NARS1: variants seen among roughly 807,000 people sequenced by gnomAD.
The protein encoded by NARS1 is asparagine--tRNA ligase, cytoplasmic.
NARS1 carries 65 observed loss-of-function variants against 79.2 expected under a neutral mutation model. That is an observed-to-expected ratio of 0.82 (90% CI 0.67 to 1.01). The LOEUF is 1.01. Among genes scored for constraint, NARS1 ranks in the 50% least tolerant of loss-of-function variants. NARS1 has a pLI of 0.00. For missense variants in NARS1, 649 were observed against 673.8 expected (o/e 0.96, Z 0.41); for synonymous variants, 229 against 238.8 (o/e 0.96, Z 0.38).
At chr18:57,606,962 A>C in intron 9 of NARS1, 172 bp downstream of exon 9, 1 of 918,942 alleles carries the variant, frequency 1.1e-6, no homozygotes, top group Non-Finnish European at 1.6e-6. Context: ...AAAGTGAAAA[A>C]AGAGAACTTA....
intron 4 of NARS1, 145 bp downstream of exon 4, chr18:57,615,496 C>T (rs556912225): frequency 3.6e-5 from 21 of 589,658 alleles, no homozygotes; most frequent in South Asian, 1.8e-4. Flanking sequence ...AGCAAGACTC[C>T]GTCTCAAAAA....
At chr18:57,605,716 A>G in intron 11 of NARS1, 141 bp downstream of exon 11, 1 of 617,092 alleles carries the variant, frequency 1.6e-6, no homozygotes, top group Non-Finnish European at 2.9e-6. Context: ...GCGAATCTGC[A>G]GGCAACCCAA....
chr18:57,602,272 A>C (rs2051513692), intron 13 of NARS1, 83 bp downstream of exon 13: 2 of 1,317,048 alleles, frequency 1.5e-6, no homozygotes, highest in Non-Finnish European at 2.1e-6. Flanking sequence ...TACTACCCTG[A>C]ATTCTCCCCT....
chr18:57,608,159 C>T (rs1480656335), intron 7 of NARS1, among the ~76,000 whole-genome samples: 2 of 152,058 alleles, frequency 1.3e-5, no homozygotes, highest in East Asian at 1.9e-4. Flanking sequence ...AGCCACCATG[C>T]GCAGCCTGTG....
chr18:57,606,568 T>G, intron 10 of NARS1, 48 bp downstream of exon 10: 1 of 1,576,274 alleles, frequency 6.3e-7, no homozygotes, highest in Non-Finnish European at 8.7e-7. Context: ...CTTCATTGTC[T>G]TCCAAAAAAG....
intron 2 of NARS1, 61 bp downstream of exon 2, chr18:57,620,508 G>T: frequency 8.3e-7 from 1 of 1,212,058 alleles, no homozygotes; most frequent in South Asian, 1.3e-5. Context: ...CAAGTCACAA[G>T]AAAATTGACA....
At chr18:57,609,589 T>C in intron 6 of NARS1, 146 bp from the exon 7 acceptor site, 1 of 615,860 alleles carries the variant, frequency 1.6e-6, no homozygotes, top group Non-Finnish European at 2.8e-6. Flanking sequence ...ATTCTTAATA[T>C]TAAAATAGAT....
chr18:57,613,322 G>A (rs1015486220), intron 5 of NARS1, among the ~76,000 whole-genome samples: 24 of 152,146 alleles, frequency 1.6e-4, no homozygotes, highest in Admixed American at 1.6e-3. Flanking sequence ...GTGAAACACC[G>A]TCTCTACTAA....
At chr18:57,609,945 G>A (rs1317514747) in intron 6 of NARS1, among the ~76,000 whole-genome samples, 1 of 152,068 alleles carries the variant, frequency 6.6e-6, no homozygotes, top group Non-Finnish European at 1.5e-5. Flanking sequence ...TACTCGGGAG[G>A]CTGAGGTGGG....
At chr18:57,615,208 T>A (rs2051638400) in intron 4 of NARS1, among the ~76,000 whole-genome samples, 1 of 147,646 alleles carries the variant, frequency 6.8e-6, no homozygotes, top group South Asian at 2.2e-4. Context: ...AAATAAAAAA[T>A]AAAAGGAAAG....
intron 11 of NARS1, 141 bp from the exon 12 acceptor site, chr18:57,603,084 T>A: frequency 1.6e-6 from 1 of 633,488 alleles, no homozygotes; most frequent in East Asian, 2.9e-5. Flanking sequence ...CCATACACAT[T>A]TGTGTAAAGA....
At chr18:57,605,589 C>T (rs1336427733) in intron 11 of NARS1, among the ~76,000 whole-genome samples, 4 of 133,852 alleles carry the variant, frequency 3.0e-5, no homozygotes, top group African/African-American at 5.9e-5. Context: ...ACTCCGTAGG[C>T]GACAGAGCGA....
chr18:57,605,301 T>C (rs1038938932), intron 11 of NARS1, among the ~76,000 whole-genome samples: 2 of 151,844 alleles, frequency 1.3e-5, no homozygotes, highest in East Asian at 3.9e-4. Flanking sequence ...GCATGAGACA[T>C]GAAGGCAGCT....
chr18:57,601,457 A>T lies in NARS1; in HGVS notation c.*195T>A. 1 of 487,644 alleles carries T rather than the reference A, an allele frequency of 2.1e-6. No individual in the cohort carries two copies. The highest frequency in any genetic ancestry group is 3.3e-6 in the Non-Finnish European group (1 of 298,776). 30.2% of individuals were successfully genotyped at this position (487,644 alleles called of 1,614,324 possible). On this transcript the variant is annotated 3_prime_UTR_variant, in exon 14 of 14. Coordinates refer to ENST00000256854, the MANE Select transcript of NARS1 (RefSeq NM_004539.4). ...TTTCCCGAACTTAAGAAAAAAATGG[A>T]TATTTTTTCTTAAGATGACAACCTT...
At chr18:57,602,535 A>G (rs1332784574) in intron 12 of NARS1, 49 bp from the exon 13 acceptor site, 5 of 1,599,986 alleles carry the variant, frequency 3.1e-6, no homozygotes, top group Non-Finnish European at 4.3e-6. Flanking sequence ...AAGCGATCAG[A>G]CACAGCACTG....
At chr18:57,602,972 T>G (rs765136021) in intron 11 of NARS1, 29 bp from the exon 12 acceptor site, 2 of 1,612,896 alleles carry the variant, frequency 1.2e-6, no homozygotes, top group South Asian at 2.2e-5. Context: ...TCATTAACAT[T>G]TACAACTTGG....
rs754296288 is a variant in NARS1 at position 57,621,741 on chromosome 18, C to T, written c.-24G>A. On this transcript the variant is annotated 5_prime_UTR_variant, in exon 1 of 14. Coordinates refer to ENST00000256854, the MANE Select transcript of NARS1 (RefSeq NM_004539.4). ...ATGCCTGCAGTGGCCCTGGTCACCTCCAAGGACACAGACTGCAACACCGAC... is the reference window on the plus strand; with the variant it reads ...ATGCCTGCAGTGGCCCTGGTCACCTTCAAGGACACAGACTGCAACACCGAC... 4 of 1,614,002 alleles carry T rather than the reference C, an allele frequency of 2.5e-6. No homozygotes were observed. The highest frequency in any genetic ancestry group is 1.7e-5 in the Admixed American group (1 of 60,030).
intron 11 of NARS1, among the ~76,000 whole-genome samples, chr18:57,605,428 G>A (rs777892197): frequency 2.6e-5 from 4 of 151,558 alleles, no homozygotes; most frequent in Non-Finnish European, 5.9e-5. Flanking sequence ...CCAACATGGT[G>A]AAACCCTGTC....
In NARS1 at chr18:57,607,585, G is replaced by T; in HGVS notation, c.660C>A (p.Ile220=). Residue 220 remains isoleucine (I), a synonymous_variant, in exon 8 of 14, where the codon ATC becomes ATA. Transcript: ENST00000256854. ...GGACATCAACGTCAGACTCCTCATT[G>T]ATCAGGTTGTCAGCTCCTCCAGCAG... ...LAPAGGADNL[I]NEESDVDVQL... The T allele has an allele frequency of 1.2e-6, 2 of 1,614,100 alleles. No homozygotes were observed. The highest frequency in any genetic ancestry group is 1.7e-6 in the Non-Finnish European group (2 of 1,180,038).
Sources: gnomAD v4.1 joint callset for allele counts (sites outside exome capture counted in the v4.1 genomes callset) on GRCh38, gnomAD v4.1.1 for gene constraint, MANE v1.5 for transcripts, NCBI Gene and HGNC (gene_info 2026-07-23, HGNC 2026-07-21) for gene names.